Variants in CDH12 observed in about 807,000 individuals in gnomAD.
The protein encoded by CDH12 is cadherin 12, also known as cadherin-12.
In CDH12, 41 loss-of-function variants were observed where a neutral mutation model predicts 74.1. That is an observed-to-expected ratio of 0.55 (90% CI 0.43 to 0.72). The LOEUF is 0.72. Ranked by LOEUF, CDH12 falls within the 30% of genes least tolerant of loss-of-function variation. The pLI is 0.00. For synonymous variants in CDH12, 399 were observed against 355.0 expected (o/e 1.12, Z -1.39); for missense variants, 945 against 977.2 (o/e 0.97, Z 0.44).
At chr5:22,736,906 A>G (rs1438111579) in intron 1 of CDH12, among the ~76,000 whole-genome samples, 1 of 151,968 alleles carries the variant, frequency 6.6e-6, no homozygotes, top group African/African-American at 2.4e-5. Context: ...CTGTTAATAC[A>G]GTCCATAGTA....
At chr5:22,649,393 T>C (rs1459056338) in intron 1 of CDH12, among the ~76,000 whole-genome samples, 1 of 152,036 alleles carries the variant, frequency 6.6e-6, no homozygotes, top group African/African-American at 2.4e-5. Context: ...GCCATATTTC[T>C]TTCTATGCAT....
chr5:22,121,350 CT>C (rs1350652940), intron 4 of CDH12, among the ~76,000 whole-genome samples: 34 of 152,300 alleles, frequency 2.2e-4, no homozygotes, highest in African/African-American at 7.7e-4. Context: ...GTATCCTAAA[CT>C]CAGGGGTCCT....
At chr5:22,740,417 A>G (rs1744960927) in intron 1 of CDH12, among the ~76,000 whole-genome samples, 2 of 151,574 alleles carry the variant, frequency 1.3e-5, no homozygotes, top group African/African-American at 4.9e-5. Context: ...TTATAGATTC[A>G]TTAGGTAAAA....
chr5:21,892,234 T>C (rs1011383659), intron 6 of CDH12, among the ~76,000 whole-genome samples: 1 of 152,182 alleles, frequency 6.6e-6, no homozygotes, highest in Non-Finnish European at 1.5e-5. Context: ...TATTAATTGA[T>C]ATGCAATTCT....
intron 3 of CDH12, among the ~76,000 whole-genome samples, chr5:22,403,941 A>C (rs2126454906): frequency 6.6e-6 from 1 of 152,262 alleles, no homozygotes; most frequent in South Asian, 2.1e-4. Context: ...AAGATATAAT[A>C]TTTGACTATA....
intron 6 of CDH12, among the ~76,000 whole-genome samples, chr5:21,880,688 TTTC>T (rs1561268984): frequency 6.0e-5 from 8 of 132,772 alleles, no homozygotes; most frequent in Admixed American, 2.4e-4. Flanking sequence ...TCTTTCTTTC[TTTC>T]TCTTTTCTCC....
chr5:22,738,857 A>C (rs1276004343), intron 1 of CDH12, among the ~76,000 whole-genome samples: 1 of 152,060 alleles, frequency 6.6e-6, no homozygotes, highest in Non-Finnish European at 1.5e-5. Context: ...TTTGATTTTA[A>C]TACAATAATA....
intron 2 of CDH12, among the ~76,000 whole-genome samples, chr5:22,435,576 G>C (rs948625109): frequency 6.6e-6 from 1 of 151,590 alleles, no homozygotes; most frequent in Admixed American, 6.6e-5. Context: ...CTGACTAATA[G>C]AGGGAGAAAC....
intron 1 of CDH12, among the ~76,000 whole-genome samples, chr5:22,539,028 T>C (rs1462235632): frequency 6.6e-6 from 1 of 152,184 alleles, no homozygotes; most frequent in Non-Finnish European, 1.5e-5. Flanking sequence ...CCTGAGTAGC[T>C]GGGATTACAG....
At chr5:22,061,476 T>C (rs1741184674) in intron 5 of CDH12, among the ~76,000 whole-genome samples, 1 of 152,174 alleles carries the variant, frequency 6.6e-6, no homozygotes, top group Non-Finnish European at 1.5e-5. Flanking sequence ...CATATAGTCA[T>C]GAATTCAAAG....
At chr5:21,806,489 G>A (rs748835637) in intron 9 of CDH12, among the ~76,000 whole-genome samples, 11 of 152,102 alleles carry the variant, frequency 7.2e-5, no homozygotes, top group Non-Finnish European at 1.6e-4. Flanking sequence ...GCCACTAAAC[G>A]TGATTTACCA....
chr5:22,207,374 C>A lies in CDH12; in HGVS notation c.-187+5124G>T, dbSNP rs531848321. Among the ~76,000 whole-genome samples the A allele has an allele frequency of 3.9e-5, 6 of 152,242 alleles. No homozygotes were observed. In the East Asian group the frequency reaches 7.7e-4, roughly 20 times the overall value. On this transcript the variant is annotated intron_variant, in intron 4 of 14. Coordinates refer to ENST00000382254, the MANE Select transcript of CDH12 (RefSeq NM_004061.5). ...AAAATAGCCAATATTTTTAGCTTTG[C>A]AGGCTCTACAATCTTTTTCTGTTCT...
chr5:22,267,183 G>GA (rs1371403040), intron 3 of CDH12, among the ~76,000 whole-genome samples: 2 of 151,996 alleles, frequency 1.3e-5, no homozygotes, highest in Non-Finnish European at 1.5e-5. Context: ...TATTTGCAAA[G>GA]AAAAAATAAA....
intron 1 of CDH12, among the ~76,000 whole-genome samples, chr5:22,769,783 A>G (rs1746715538): frequency 6.6e-6 from 1 of 151,546 alleles, no homozygotes; most frequent in Admixed American, 6.6e-5. Context: ...TACAAATAGT[A>G]TTTTCTTATG....
chr5:21,790,027 T>C (rs1746403756), intron 10 of CDH12, among the ~76,000 whole-genome samples: 1 of 152,100 alleles, frequency 6.6e-6, no homozygotes, highest in Non-Finnish European at 1.5e-5. Flanking sequence ...ACTGTCTTAT[T>C]TGGGACAATC....
intron 3 of CDH12, among the ~76,000 whole-genome samples, chr5:22,306,014 AAC>A (rs1258369779): frequency 6.6e-6 from 1 of 151,930 alleles, no homozygotes; most frequent in Non-Finnish European, 1.5e-5. Flanking sequence ...AACCTCTTTA[AAC>A]ACCTGCTCAT....
At chr5:22,768,947 A>G (rs1011715395) in intron 1 of CDH12, among the ~76,000 whole-genome samples, 9 of 152,188 alleles carry the variant, frequency 5.9e-5, no homozygotes, top group African/African-American at 1.9e-4. Context: ...CAATATTTGA[A>G]TAACTCGCTA....
At chr5:22,217,909 G>A (rs1751876857) in intron 3 of CDH12, among the ~76,000 whole-genome samples, 1 of 151,334 alleles carries the variant, frequency 6.6e-6, no homozygotes, top group Non-Finnish European at 1.5e-5. Flanking sequence ...AGCACTAATG[G>A]GACAACTAGT....
intron 1 of CDH12, among the ~76,000 whole-genome samples, chr5:22,520,540 T>C (rs1737008058): frequency 1.3e-5 from 2 of 152,234 alleles, no homozygotes; most frequent in African/African-American, 2.4e-5. Flanking sequence ...AATACAGCCA[T>C]GGAGTCTTAC....
Sources: gnomAD v4.1 joint callset for allele counts (sites outside exome capture counted in the v4.1 genomes callset) on GRCh38, gnomAD v4.1.1 for gene constraint, MANE v1.5 for transcripts, NCBI Gene and HGNC (gene_info 2026-07-23, HGNC 2026-07-21) for gene names.